ARHGAP21: variants seen among roughly 807,000 people sequenced by gnomAD.
The protein encoded by ARHGAP21 is rho GTPase-activating protein 21.
ARHGAP21 carries 38 observed loss-of-function variants against 164.6 expected under a neutral mutation model. The ratio of observed to expected loss-of-function variants is 0.23; its 90% CI spans 0.18 to 0.30. ARHGAP21 has a LOEUF of 0.30. Ranked by LOEUF, ARHGAP21 falls within the 10% of genes least tolerant of loss-of-function variation. The probability of loss-of-function intolerance (pLI) is 1.00; values close to 1 mark genes in which losing one functional copy is unlikely to be tolerated. For synonymous variants in ARHGAP21, 766 were observed against 857.9 expected, an observed-to-expected ratio of 0.89 and a Z score of 1.87; for missense variants, 1,822 against 2,370.7, an observed-to-expected ratio of 0.77 and a Z score of 4.81.
chr10:24,705,587 A>T (rs2132170698), intron 2 of ARHGAP21, among the ~76,000 whole-genome samples: 1 of 152,356 alleles, frequency 6.6e-6, no homozygotes, highest in African/African-American at 2.4e-5. Context: ...ACAGTTATGG[A>T]AGAACTGAGA....
At chr10:24,706,086 G>C (rs1056679437) in intron 2 of ARHGAP21, among the ~76,000 whole-genome samples, 1 of 152,104 alleles carries the variant, frequency 6.6e-6, no homozygotes, top group Non-Finnish European at 1.5e-5. Flanking sequence ...AAGAACTCAA[G>C]AACCATATTT....
intron 5 of ARHGAP21, among the ~76,000 whole-genome samples, chr10:24,633,731 A>G (rs1836065163): frequency 6.6e-6 from 1 of 152,076 alleles, no homozygotes. Flanking sequence ...GAAACTAGCC[A>G]TGTTCTAAGT....
rs1169604005 is a variant in ARHGAP21 at position 24,630,070 on chromosome 10, T to A, written c.441-20A>T. On this transcript the variant is annotated intron_variant, in intron 6 of 25. Transcript: ENST00000396432. ...GTATCACTGAAATTGAATTATATAC[T>A]ATTTTAGGAGAGGTAGAAGTGTATA... 7.1e-7 allele frequency: 1 copy of A among 1,400,470 alleles called. No homozygotes were observed. Among genetic ancestry groups the A allele is most frequent in the South Asian group, 1.3e-5 (1 of 74,162 alleles). The allele number at this position is 1,400,470 out of a possible 1,614,324, so 86.8% of individuals were successfully genotyped here. A position where few individuals can be genotyped will look rare whatever the true frequency, so the allele number is the denominator to read the frequency against.
chr10:24,625,308 A>C (rs1407181266), intron 7 of ARHGAP21, among the ~76,000 whole-genome samples: 4 of 150,216 alleles, frequency 2.7e-5, no homozygotes, highest in South Asian at 2.1e-4. Flanking sequence ...AGAAAAAAAA[A>C]AAAAAAAAAA....
chr10:24,628,994 T>A lies in ARHGAP21; in HGVS notation c.495+1002A>T, dbSNP rs1184712409. The A allele has an allele frequency of 2.6e-3, 152 of 58,728 alleles. 3 individuals carry two copies. The highest frequency in any genetic ancestry group is 0.017 in the South Asian group (23 of 1,366). The allele number at this position is 58,728 out of a possible 1,614,324, so 3.6% of individuals were successfully genotyped here. A position where few individuals can be genotyped will look rare whatever the true frequency, so the allele number is the denominator to read the frequency against. On this transcript the variant is annotated intron_variant, in intron 7 of 25. Coordinates refer to ENST00000396432, the MANE Select transcript of ARHGAP21 (RefSeq NM_020824.4). The stretch of plus-strand genomic sequence containing the variant: ...TATATATATATATATTTTTTTTTTT[T>A]TTTTTTTTTTTTTTTTTTTGAGATG...
chr10:24,591,215 C>T lies in ARHGAP21; in HGVS notation c.4150+10G>A. 2.5e-6 allele frequency: 4 copies of T among 1,602,388 alleles called. No homozygotes were observed. Among genetic ancestry groups the T allele is most frequent in the Non-Finnish European group, 3.4e-6 (4 of 1,171,822 alleles). On this transcript the variant is annotated intron_variant, in intron 24 of 25. Coordinates refer to ENST00000396432, the MANE Select transcript of ARHGAP21 (RefSeq NM_020824.4). ...AGCCTAGAGGTCAAGACTGCCCAGG[C>T]AAGAGTTACCTGATACATCTCCTGG... is the stretch of plus-strand genomic sequence containing the variant.
At chr10:24,597,090 C>CAA (rs11385129) in intron 16 of ARHGAP21, among the ~76,000 whole-genome samples, 1,758 of 147,740 alleles carry the variant, frequency 0.012, 11 homozygotes, top group Middle Eastern at 0.042. Flanking sequence ...TTTAAAACAG[C>CAA]AAAAAAAAAA....
At chr10:24,685,350 T>C (rs1490775470) in intron 2 of ARHGAP21, among the ~76,000 whole-genome samples, 12 of 152,190 alleles carry the variant, frequency 7.9e-5, no homozygotes, top group African/African-American at 2.2e-4. Flanking sequence ...ATTAGCAGTT[T>C]ATAGTGTCAT....
intron 4 of ARHGAP21, among the ~76,000 whole-genome samples, chr10:24,637,230 T>G (rs1035465448): frequency 6.6e-6 from 1 of 152,232 alleles, no homozygotes; most frequent in Non-Finnish European, 1.5e-5. Flanking sequence ...AAGTAGACAG[T>G]CCATTTGCAA....
chr10:24,684,102 C>T (rs898110335), intron 2 of ARHGAP21, among the ~76,000 whole-genome samples: 1 of 152,020 alleles, frequency 6.6e-6, no homozygotes, highest in South Asian at 2.1e-4. Context: ...GCTTGGCCAA[C>T]GTATCAAAAC....
Position 24,619,848 on chromosome 10 carries a change from G to C in ARHGAP21, c.2047C>G (p.Pro683Ala), listed in dbSNP as rs772276820. Residue 683 changes from proline to alanine, a missense_variant, in exon 9 of 26, where the codon CCC (proline) becomes GCC (alanine). Pro to Ala is a conservative substitution (Grantham distance 27). Coordinates refer to ENST00000396432, the MANE Select transcript of ARHGAP21 (RefSeq NM_020824.4). ...PDQQVETGKS[P>A]SLSGASAKPA... ...TTGGCAGAGGCTCCAGATAAAGAGG[G>C]GGATTTCCCAGTCTCCACTTGCTGA... The C allele has an allele frequency of 1.9e-6, 3 of 1,614,158 alleles. No homozygotes were observed. The highest frequency in any genetic ancestry group is 1.7e-5 in the Admixed American group (1 of 60,008).
chr10:24,703,340 G>A (rs997603941), intron 2 of ARHGAP21, among the ~76,000 whole-genome samples: 1 of 151,926 alleles, frequency 6.6e-6, no homozygotes, highest in Non-Finnish European at 1.5e-5. Flanking sequence ...CTTAGAATAC[G>A]CTAATAATAA....
At chr10:24,676,919 C>G (rs1320936873) in intron 2 of ARHGAP21, among the ~76,000 whole-genome samples, 2 of 152,072 alleles carry the variant, frequency 1.3e-5, no homozygotes, top group Non-Finnish European at 2.9e-5. Context: ...AATATTAACT[C>G]CGGGCCAGGC....
At chr10:24,592,198 C>G (rs1166378907) in intron 21 of ARHGAP21, among the ~76,000 whole-genome samples, 186 bp from the exon 22 acceptor site, 4 of 128,188 alleles carry the variant, frequency 3.1e-5, no homozygotes, top group African/African-American at 6.0e-5. Context: ...CAGGGTCTCA[C>G]GTTCACCCAG....
intron 17 of ARHGAP21, chr10:24,596,428 A>G: frequency 1.9e-6 from 1 of 513,716 alleles, no homozygotes; most frequent in African/African-American, 2.0e-5. Flanking sequence ...TACATGTATT[A>G]TACTTTCTTA....
intron 7 of ARHGAP21, chr10:24,628,965 TATATATATATATATATA>T (rs1158621397): frequency 1.9e-4 from 3 of 15,742 alleles, no homozygotes; most frequent in African/African-American, 3.5e-4. Flanking sequence ...TATATATATA[TATATATATATATATATA>T]TTTTTTTTTT....
chr10:24,637,770 G>C (rs999317221), intron 4 of ARHGAP21, among the ~76,000 whole-genome samples: 2 of 151,868 alleles, frequency 1.3e-5, no homozygotes, highest in Non-Finnish European at 2.9e-5. Flanking sequence ...CACTATGCCT[G>C]AAAACATACG....
At chr10:24,666,723 G>T (rs981805498) in intron 4 of ARHGAP21, among the ~76,000 whole-genome samples, 1 of 151,922 alleles carries the variant, frequency 6.6e-6, no homozygotes, top group Admixed American at 6.6e-5. Flanking sequence ...TGCTCTCCTT[G>T]GAATTATAAT....
At chr10:24,603,554 C>A (rs959329372) in intron 12 of ARHGAP21, among the ~76,000 whole-genome samples, 1 of 152,072 alleles carries the variant, frequency 6.6e-6, no homozygotes, top group African/African-American at 2.4e-5. Flanking sequence ...GAATGAGTCA[C>A]TGGAAAAATG....
Sources: gnomAD v4.1 joint callset for allele counts (sites outside exome capture counted in the v4.1 genomes callset) on GRCh38, gnomAD v4.1.1 for gene constraint, MANE v1.5 for transcripts, NCBI Gene and HGNC (gene_info 2026-07-23, HGNC 2026-07-21) for gene names.